Variants in MDGA1 observed in about 807,000 individuals in gnomAD.
MDGA1 encodes MAM domain containing glycosylphosphatidylinositol anchor 1.
In MDGA1, 54 loss-of-function variants were observed where a neutral mutation model predicts 101.5. The ratio of observed to expected loss-of-function variants is 0.53; its 90% confidence interval spans 0.43 to 0.67. MDGA1 has a LOEUF of 0.67. Ranked by LOEUF, MDGA1 falls within the 30% of genes least tolerant of loss-of-function variation. The probability of loss-of-function intolerance (pLI) is 0.00; values close to 1 mark genes in which losing one functional copy is unlikely to be tolerated. For synonymous variants in MDGA1, 533 were observed against 558.3 expected, an observed-to-expected ratio of 0.95 and a Z score of 0.64; for missense variants, 1,083 against 1,323.8, an observed-to-expected ratio of 0.82 and a Z score of 2.82.
At chr6:37,644,398 G>T in intron 13 of MDGA1, 99 bp downstream of exon 13, 2 of 1,269,544 alleles carry the variant, frequency 1.6e-6, no homozygotes, top group Non-Finnish European at 2.1e-6. Context: ...GTCTCCCTCA[G>T]ACTGGAGCCG....
intron 14 of MDGA1, among the ~76,000 whole-genome samples, chr6:37,643,580 G>C (rs1764143754): frequency 6.6e-6 from 1 of 152,140 alleles, no homozygotes; most frequent in Admixed American, 6.5e-5. Flanking sequence ...CCCCTGCTGG[G>C]GTCTTCTATC....
chr6:37,683,502 G>A lies in MDGA1; in HGVS notation c.67+13243C>T, dbSNP rs1404926160. ...GTGCACCACCAGCCAGCTCCCAATT[G>A]CCAATGCCTGCGGGCACCTCTCTGC... On this transcript the variant is annotated intron_variant, in intron 1 of 16. Transcript: ENST00000434837. Among the ~76,000 whole-genome samples, 4 of 150,736 alleles carry A rather than the reference G, an allele frequency of 2.7e-5. No homozygotes were observed. In the East Asian group the frequency reaches 8.6e-4, roughly 32 times the overall value.
chr6:37,691,875 C>G (rs1762314840), intron 1 of MDGA1, among the ~76,000 whole-genome samples: 1 of 152,226 alleles, frequency 6.6e-6, no homozygotes, highest in African/African-American at 2.4e-5. Context: ...AGGGCACAAG[C>G]ACCCCCATTC....
chr6:37,687,074 G>A (rs1026487718), intron 1 of MDGA1, among the ~76,000 whole-genome samples: 2 of 152,094 alleles, frequency 1.3e-5, no homozygotes, highest in African/African-American at 4.8e-5. Context: ...CTCCACCACC[G>A]CCTAACTGTA....
chr6:37,657,912 T>C (rs1379952910), intron 3 of MDGA1, among the ~76,000 whole-genome samples: 2 of 151,832 alleles, frequency 1.3e-5, no homozygotes, highest in African/African-American at 4.9e-5. Context: ...GAGATCTGTG[T>C]CTTCCTCTCA....
chr6:37,678,818 T>G (rs981222127), intron 1 of MDGA1, among the ~76,000 whole-genome samples: 1 of 142,476 alleles, frequency 7.0e-6, no homozygotes, highest in Non-Finnish European at 1.5e-5. Flanking sequence ...TCCATCACGC[T>G]CAATCCCTTT....
Position 37,654,307 on chromosome 6 carries a change from G to T in MDGA1, c.949C>A (p.Pro317Thr), listed in dbSNP as rs1761432064. ...AGCAGGTTGACAGTCTTCTTGGCAG[G>T]GTTGCCCACATTGTTGGTGGCTGTG... is the stretch of plus-strand genomic sequence containing the variant. Reference protein sequence around the residue: ...NCTATNNVGNPAKKTVNLLVR... With the variant: ...NCTATNNVGNTAKKTVNLLVR... Residue 317 changes from proline to threonine, a missense_variant, in exon 6 of 17, where the codon CCT (proline) becomes ACT (threonine). Pro to Thr is a conservative substitution (Grantham distance 38, BLOSUM62 -1). Coordinates refer to ENST00000434837, the MANE Select transcript of MDGA1 (RefSeq NM_153487.4). The T allele has an allele frequency of 1.3e-6, 2 of 1,578,698 alleles. No individual in the cohort carries two copies. Among genetic ancestry groups the T allele is most frequent in the African/African-American group, 1.3e-5 (1 of 74,220 alleles).
At chr6:37,681,235 G>T (rs1762091217) in intron 1 of MDGA1, among the ~76,000 whole-genome samples, 1 of 152,202 alleles carries the variant, frequency 6.6e-6, no homozygotes, top group African/African-American at 2.4e-5. Flanking sequence ...TTCACTCGCG[G>T]ACTGCTAATA....
chr6:37,696,770 G>C lies in MDGA1; in HGVS notation c.42C>G (p.Phe14Leu). 1 of 1,584,958 alleles carries C rather than the reference G, an allele frequency of 6.3e-7. No homozygotes were observed. Among genetic ancestry groups the C allele is most frequent in the Non-Finnish European group, 8.6e-7 (1 of 1,165,014 alleles). Residue 14 changes from phenylalanine (F) to leucine (L), a missense_variant, in exon 1 of 17, where the codon TTC (phenylalanine) becomes TTG (leucine). Phe to Leu is a conservative substitution (Grantham distance 22, BLOSUM62 0). Transcript: ENST00000434837. The surrounding 1 kb of genome is among the most constrained non-coding windows in gnomAD (Gnocchi z 5.6). ...TCLLLLALIP[F>L]HCRGQGVYAP... is the part of the protein sequence containing the mutation. ...CGTAGACTCCTTGTCCCCGGCAGTG[G>C]AAGGGGATCAGCGCCAGAAGTAGAA...
At chr6:37,666,306 G>C (rs897416633) in intron 1 of MDGA1, among the ~76,000 whole-genome samples, 1 of 148,714 alleles carries the variant, frequency 6.7e-6, no homozygotes, top group South Asian at 2.1e-4. Flanking sequence ...GTTGCAGTGA[G>C]CAGAGATCGA....
intron 16 of MDGA1, 63 bp from the exon 17 acceptor site, chr6:37,637,522 G>T: frequency 1.4e-6 from 2 of 1,456,028 alleles, no homozygotes; most frequent in Non-Finnish European, 1.9e-6. Flanking sequence ...GGGGCAGGAA[G>T]TGGCAGGCAG....
intron 1 of MDGA1, among the ~76,000 whole-genome samples, chr6:37,680,388 C>T (rs1195773815): frequency 6.6e-6 from 1 of 152,198 alleles, no homozygotes; most frequent in African/African-American, 2.4e-5. Flanking sequence ...GGGAGAAGCA[C>T]CTCCCAAGAG....
At chr6:37,653,701 T>C (rs908116099) in intron 6 of MDGA1, among the ~76,000 whole-genome samples, 1 of 152,356 alleles carries the variant, frequency 6.6e-6, no homozygotes, top group African/African-American at 2.4e-5. Flanking sequence ...TAGTGAGCAG[T>C]TAATTACTGA....
At chr6:37,686,487 C>T (rs1036813804) in intron 1 of MDGA1, among the ~76,000 whole-genome samples, 13 of 150,136 alleles carry the variant, frequency 8.7e-5, no homozygotes, top group African/African-American at 3.0e-4. Flanking sequence ...AGTGCAGTGG[C>T]GTGATCTCGG....
chr6:37,696,011 G>A lies in MDGA1; in HGVS notation c.67+734C>T, dbSNP rs534056306. ...CGAGGCGTGCGGACGCAGGAGCAAG[G>A]CTGCGTGGCAGGAGGCAGAGTTTGG... On this transcript the variant is annotated intron_variant, in intron 1 of 16. Transcript: ENST00000434837. The surrounding 1 kb of genome is among the most constrained non-coding windows in gnomAD (Gnocchi z 5.6). 4.6e-5 allele frequency among the ~76,000 whole-genome samples: 7 copies of A among 152,298 alleles called. No homozygotes were observed. The highest frequency in any genetic ancestry group is 7.3e-5 in the Non-Finnish European group (5 of 68,030).
rs544453423 is a variant in MDGA1 at position 37,664,023 on chromosome 6, G to A, written c.151C>T (p.Arg51Trp). The A allele has an allele frequency of 2.3e-5, 37 of 1,613,984 alleles. No homozygotes were observed. The highest frequency in any genetic ancestry group is 3.3e-5 in the Admixed American group (2 of 60,022). Residue 51 changes from arginine to tryptophan, a missense_variant, in exon 2 of 17, where the codon CGG (arginine) becomes TGG (tryptophan). Physicochemically the swap from Arg to Trp is moderately radical, Grantham distance 101 (BLOSUM62 -3). Around this residue, in one of 3 missense-constraint regions of MDGA1, gnomAD observed 310 missense variants for 355.9 expected, o/e 0.87. Transcript: ENST00000434837. ...DNISERVYTI[R>W]EGDTLMLQCL... ...TGCAGCATGAGGGTGTCCCCCTCCC[G>A]GATGGTGTAGACACGCTCGCTGATA...
At chr6:37,689,659 A>G (rs964986960) in intron 1 of MDGA1, among the ~76,000 whole-genome samples, 2 of 152,190 alleles carry the variant, frequency 1.3e-5, no homozygotes, top group Admixed American at 6.5e-5. Flanking sequence ...GCAGAGGTCG[A>G]GGCTCTTAAC....
intron 2 of MDGA1, among the ~76,000 whole-genome samples, chr6:37,662,824 G>C (rs113333629): frequency 6.6e-5 from 10 of 152,148 alleles, no homozygotes; most frequent in African/African-American, 1.7e-4. Context: ...ACACCCAAGG[G>C]GACACACACA....
chr6:37,678,659 A>G (rs1762030695), intron 1 of MDGA1, among the ~76,000 whole-genome samples: 1 of 151,110 alleles, frequency 6.6e-6, no homozygotes, highest in Non-Finnish European at 1.5e-5. Flanking sequence ...TTCCCACCTC[A>G]GGGCCTTTGC....
Sources: gnomAD v4.1 joint callset for allele counts (sites outside exome capture counted in the v4.1 genomes callset) on GRCh38, gnomAD v4.1.1 for gene constraint, gnomAD v4.1.1 regional missense constraint, Gnocchi (gnomAD v3.1) non-coding constraint, MANE v1.5 for transcripts, NCBI Gene and HGNC (gene_info 2026-07-23, HGNC 2026-07-21) for gene names.